ASNS: variants seen among roughly 807,000 people sequenced by gnomAD.
ASNS encodes the protein asparagine synthetase [glutamine-hydrolyzing].
In ASNS, 37 loss-of-function variants were observed where a neutral mutation model predicts 62.6. That is an observed-to-expected ratio of 0.59 (90% CI 0.45 to 0.78). ASNS has a LOEUF of 0.78. Among genes scored for constraint, ASNS ranks in the 30% least tolerant of loss-of-function variants. The probability of loss-of-function intolerance (pLI) is 0.00; values close to 1 mark genes in which losing one functional copy is unlikely to be tolerated. For missense variants in ASNS, 520 were observed against 682.4 expected, an observed-to-expected ratio of 0.76 and a Z score of 2.65; for synonymous variants, 207 against 237.9, an observed-to-expected ratio of 0.87 and a Z score of 1.19.
In ASNS at chr7:97,854,592, G is replaced by T; in HGVS notation, c.1226C>A (p.Thr409Asn). ...LFDVLRADRT[T>N]AAHGLELRVP... Reference sequence around the variant, plus strand: ...CTAAAAATATTACCCATGGGCAGCAGTAGTTCGATCTGCGCGGAGAACATC... The same window carrying T: ...CTAAAAATATTACCCATGGGCAGCATTAGTTCGATCTGCGCGGAGAACATC... Residue 409 changes from threonine (T) to asparagine (N), a missense_variant, in exon 10 of 13, where the codon ACT (threonine) becomes AAT (asparagine). Coordinates refer to ENST00000394308, the MANE Select transcript of ASNS (RefSeq NM_001673.5). 6.2e-7 allele frequency: 1 copy of T among 1,613,844 alleles called. No individual in the cohort carries two copies. Among genetic ancestry groups the T allele is most frequent in the Non-Finnish European group, 8.5e-7 (1 of 1,179,956 alleles).
the ASNS span, among the ~76,000 whole-genome samples, chr7:97,925,987 T>A: frequency 6.6e-6 from 1 of 152,046 alleles, no homozygotes; most frequent in African/African-American, 2.4e-5. Context: ...GATGGGTGTT[T>A]ATGGATACAC....
the ASNS span, among the ~76,000 whole-genome samples, chr7:97,907,540 C>T: frequency 1.3e-5 from 2 of 152,016 alleles, no homozygotes; most frequent in Non-Finnish European, 2.9e-5. Flanking sequence ...AGCCCAAGGC[C>T]GGTGGATCAT....
chr7:97,922,089 G>C, the ASNS span, among the ~76,000 whole-genome samples: 1 of 152,200 alleles, frequency 6.6e-6, no homozygotes, highest in South Asian at 2.1e-4. Context: ...ACTCGGCCAG[G>C]CATGGTGGCT....
the ASNS span, among the ~76,000 whole-genome samples, chr7:97,916,827 C>T: frequency 1.3e-5 from 2 of 152,204 alleles, no homozygotes; most frequent in Admixed American, 1.3e-4. Context: ...GGCAGCCGAG[C>T]TCCAGATGGG....
At chr7:97,886,934 C>T in the ASNS span, among the ~76,000 whole-genome samples, 54 of 152,240 alleles carry the variant, frequency 3.5e-4, no homozygotes, top group Non-Finnish European at 6.5e-4. Context: ...CAACTGAGTG[C>T]CCCCCACATA....
At chr7:97,868,713 C>T (rs1482008362) in intron 3 of ASNS, among the ~76,000 whole-genome samples, 195 bp downstream of exon 3, 1 of 152,148 alleles carries the variant, frequency 6.6e-6, no homozygotes, top group African/African-American at 2.4e-5. Context: ...CCATTTTTAT[C>T]ACTTTTTTTG....
chr7:97,902,496 G>C, the ASNS span, among the ~76,000 whole-genome samples: 1 of 152,122 alleles, frequency 6.6e-6, no homozygotes, highest in Non-Finnish European at 1.5e-5. Context: ...CAGATTGCTT[G>C]AGCCCAGGAG....
the ASNS span, among the ~76,000 whole-genome samples, chr7:97,902,843 C>T: frequency 6.6e-6 from 1 of 152,224 alleles, no homozygotes; most frequent in Non-Finnish European, 1.5e-5. Flanking sequence ...TCTCTACTAA[C>T]CCCTGACTAC....
At chr7:97,906,392 C>A in the ASNS span, 1 of 293,686 alleles carries the variant, frequency 3.4e-6, no homozygotes, top group South Asian at 3.0e-5. Flanking sequence ...GATATGGCCT[C>A]AACTACCCTC....
chr7:97,903,246 T>G, the ASNS span, among the ~76,000 whole-genome samples: 97 of 151,584 alleles, frequency 6.4e-4, no homozygotes, highest in African/African-American at 1.5e-3. Context: ...TCCAGAGTTT[T>G]TTTTTTTTTT....
the ASNS span, chr7:97,927,991 C>A: frequency 6.9e-6 from 5 of 723,556 alleles, no homozygotes; most frequent in African/African-American, 7.3e-5. Flanking sequence ...TAACCCGGGG[C>A]AGGCCACGGA....
chr7:97,919,800 C>T, the ASNS span, among the ~76,000 whole-genome samples: 2 of 152,182 alleles, frequency 1.3e-5, no homozygotes, highest in Non-Finnish European at 2.9e-5. Context: ...CCACACAGAG[C>T]CCCTGTGTAC....
chr7:97,912,591 T>TA, the ASNS span, among the ~76,000 whole-genome samples: 1 of 79,378 alleles, frequency 1.3e-5, no homozygotes. Context: ...TTTTTTTTTT[T>TA]TTCTGTTTTC....
In ASNS at chr7:97,854,438, C is replaced by G. The variant is rs17279084; in HGVS notation, c.1238+142G>C. The stretch of plus-strand genomic sequence containing the variant: ...CTTCATTTTCTCTATAAAAGTCACA[C>G]TTTGTAACATATAGCCAACTATATG... On this transcript the variant is annotated intron_variant, in intron 10 of 12. Coordinates refer to ENST00000394308, the MANE Select transcript of ASNS (RefSeq NM_001673.5). The G allele has an allele frequency of 0.16, 163,042 of 1,006,198 alleles. 14,494 individuals are homozygous for G. The highest frequency in any genetic ancestry group is 0.29 in the Admixed American group (9,740 of 33,824). 62.3% of individuals were successfully genotyped at this position (1,006,198 alleles called of 1,614,324 possible). A position where few individuals can be genotyped will look rare whatever the true frequency, so the allele number is the denominator to read the frequency against.
chr7:97,876,898 G>A (rs1366536858), upstream of ASNS, among the ~76,000 whole-genome samples: 1 of 152,082 alleles, frequency 6.6e-6, no homozygotes, highest in Non-Finnish European at 1.5e-5. Context: ...TTAGGTATAT[G>A]GACCTGGGGC....
the ASNS span, among the ~76,000 whole-genome samples, chr7:97,899,667 T>C: frequency 1.3e-5 from 2 of 152,224 alleles, no homozygotes; most frequent in Non-Finnish European, 2.9e-5. Context: ...TCTATAGACT[T>C]CCATCTGAAT....
rs1791200307 is a variant in ASNS, at chr7:97,851,959, T to C, written c.*300A>G. 2 of 371,098 alleles carry C rather than the reference T, an allele frequency of 5.4e-6. No individual in the cohort carries two copies. Among genetic ancestry groups the C allele is most frequent in the African/African-American group, 2.1e-5 (1 of 48,488 alleles). 23.0% of individuals were successfully genotyped at this position (371,098 alleles called of 1,614,324 possible). A position where few individuals can be genotyped will look rare whatever the true frequency, so the allele number is the denominator to read the frequency against. On this transcript the variant is annotated 3_prime_UTR_variant, in exon 13 of 13. Coordinates refer to ENST00000394308, the MANE Select transcript of ASNS (RefSeq NM_001673.5). The stretch of plus-strand genomic sequence containing the variant: ...GGAAGGAAGCCACACGGGCACAAGA[T>C]GCAAATGTCATCTAAAGCAGCTCTG...
chr7:97,927,074 T>C, the ASNS span, among the ~76,000 whole-genome samples: 1 of 62,372 alleles, frequency 1.6e-5, no homozygotes, highest in South Asian at 5.4e-4. Context: ...CACCTGGCTT[T>C]TTTTTTTTTT....
chr7:97,915,964 T>C, the ASNS span, among the ~76,000 whole-genome samples: 1 of 152,170 alleles, frequency 6.6e-6, no homozygotes, highest in African/African-American at 2.4e-5. Context: ...TGCCATGGAC[T>C]CAGAGGCCAA....
Sources: allele counts gnomAD v4.1 joint callset (sites outside exome capture counted in the v4.1 genomes callset), GRCh38; gene constraint gnomAD v4.1.1; transcripts MANE v1.5; gene names NCBI Gene and HGNC (gene_info 2026-07-23, HGNC 2026-07-21).